Variants in NEBL observed in about 807,000 individuals in gnomAD.
The protein encoded by NEBL is nebulette.
In NEBL, 122 loss-of-function variants were observed where a neutral mutation model predicts 140.2. That is an observed-to-expected ratio of 0.87 (90% confidence interval 0.75 to 1.01). The LOEUF is 1.01. Among genes scored for constraint, NEBL ranks in the 50% least tolerant of loss-of-function variants. The pLI, the probability that NEBL is intolerant of heterozygous loss-of-function variation, is 0.00. For synonymous variants in NEBL, 436 were observed against 398.9 expected, an observed-to-expected ratio of 1.09 and a Z score of -1.11; for missense variants, 1,365 against 1,231.3, an observed-to-expected ratio of 1.11 and a Z score of -1.62.
At chr10:20,802,534 A>C (rs1837216967) in intron 26 of NEBL, among the ~76,000 whole-genome samples, 1 of 152,220 alleles carries the variant, frequency 6.6e-6, no homozygotes, top group Non-Finnish European at 1.5e-5. Context: ...GAAAGTCCAA[A>C]ATAATCACAT....
chr10:20,811,291 T>C (rs946564758), intron 24 of NEBL, among the ~76,000 whole-genome samples: 1 of 152,176 alleles, frequency 6.6e-6, no homozygotes. Context: ...GACAGTTTCA[T>C]GGTTTTTAGC....
intron 5 of NEBL, among the ~76,000 whole-genome samples, chr10:20,879,838 T>A (rs1376584260): frequency 6.6e-6 from 1 of 152,172 alleles, no homozygotes; most frequent in African/African-American, 2.4e-5. Context: ...AAAAAAAAGC[T>A]TTCCCTACAA....
At chr10:21,118,014 T>G (rs1282524760) in intron 2 of NEBL, among the ~76,000 whole-genome samples, 1 of 152,092 alleles carries the variant, frequency 6.6e-6, no homozygotes, top group Non-Finnish European at 1.5e-5. Context: ...TAGCACAGAA[T>G]AATTACCCAG....
At chr10:20,792,836 C>T (rs1023830694) in intron 26 of NEBL, among the ~76,000 whole-genome samples, 1 of 151,840 alleles carries the variant, frequency 6.6e-6, no homozygotes, top group African/African-American at 2.4e-5. Flanking sequence ...CTGTCTAGTC[C>T]ATGAGCAAGG....
At chr10:20,867,484 T>G (rs1316807142) in intron 7 of NEBL, among the ~76,000 whole-genome samples, 1 of 152,196 alleles carries the variant, frequency 6.6e-6, no homozygotes, top group African/African-American at 2.4e-5. Flanking sequence ...ACATTATTGT[T>G]GACTCTGCAA....
rs79356083 is a variant in NEBL at position 20,947,820 on chromosome 10, A to G, written c.357+13852T>C. ...TGCGTAAGTGAGGTAAGGGGCACCC[A>G]AAATAGAAAAGAATTCAACAAACTT... On this transcript the variant is annotated intron_variant, in intron 4 of 6. Coordinates refer to the NEBL transcript ENST00000417816. Among the ~76,000 whole-genome samples, 273 of 152,362 alleles carry G rather than the reference A, an allele frequency of 1.8e-3. 9 individuals carry two copies. The East Asian group carries it at 0.046, about 26-fold the overall frequency.
intron 4 of NEBL, among the ~76,000 whole-genome samples, chr10:20,943,046 G>C (rs1262762312): frequency 2.0e-5 from 3 of 152,146 alleles, no homozygotes; most frequent in Non-Finnish European, 2.9e-5. Flanking sequence ...CCTCAGGGAT[G>C]TAGAACTAGA....
chr10:21,222,568 T>C (rs1432210842), intron 3 of NEBL, among the ~76,000 whole-genome samples: 3 of 152,210 alleles, frequency 2.0e-5, no homozygotes, highest in African/African-American at 7.2e-5. Context: ...GCCAAGTCAC[T>C]ACTATTTTCT....
At chr10:21,209,797 C>G (rs889643861) in intron 3 of NEBL, among the ~76,000 whole-genome samples, 1 of 151,888 alleles carries the variant, frequency 6.6e-6, no homozygotes, top group African/African-American at 2.4e-5. Flanking sequence ...TAATCAGTGC[C>G]TGGGTCCAGA....
At chr10:21,104,197 A>C (rs1295570088) in intron 2 of NEBL, among the ~76,000 whole-genome samples, 1 of 152,240 alleles carries the variant, frequency 6.6e-6, no homozygotes, top group Non-Finnish European at 1.5e-5. Context: ...ACATACTATA[A>C]GTGTTCTAAC....
intron 3 of NEBL, among the ~76,000 whole-genome samples, chr10:20,983,536 A>G (rs1837136807): frequency 6.6e-6 from 1 of 152,236 alleles, no homozygotes; most frequent in African/African-American, 2.4e-5. Flanking sequence ...CAATAAACTT[A>G]CTAGTTGTTA....
intron 3 of NEBL, among the ~76,000 whole-genome samples, chr10:20,991,303 GA>G (rs1386289375): frequency 6.6e-6 from 1 of 151,780 alleles, no homozygotes; most frequent in Admixed American, 6.6e-5. Context: ...AAAAAATGTT[GA>G]AAAATTATCT....
intron 2 of NEBL, among the ~76,000 whole-genome samples, chr10:21,097,470 A>G (rs965447370): frequency 2.0e-5 from 3 of 152,166 alleles, no homozygotes; most frequent in Non-Finnish European, 2.9e-5. Flanking sequence ...AAAAAAATAC[A>G]TAAATAAAAT....
At chr10:20,830,619 A>G (rs74120689) in intron 16 of NEBL, among the ~76,000 whole-genome samples, 14,448 of 152,036 alleles carry the variant, frequency 0.095, 1,804 homozygotes, top group African/African-American at 0.29. Context: ...TGTTAGCTTT[A>G]TTTGGAACTA....
upstream of NEBL, chr10:20,897,604 T>C (rs549183528): frequency 3.5e-5 from 33 of 949,166 alleles, no homozygotes; most frequent in African/African-American, 1.4e-4. Context: ...ACACTCAAGA[T>C]AGCACAGTCC....
chr10:21,210,020 A>G (rs942094161), intron 3 of NEBL, among the ~76,000 whole-genome samples: 1 of 152,184 alleles, frequency 6.6e-6, no homozygotes, highest in African/African-American at 2.4e-5. Context: ...CCAATTGCTC[A>G]ATACCTCCAG....
At chr10:20,887,626 A>G (rs1846647205) in intron 4 of NEBL, among the ~76,000 whole-genome samples, 1 of 152,084 alleles carries the variant, frequency 6.6e-6, no homozygotes, top group Admixed American at 6.5e-5. Context: ...CATGTTGCCC[A>G]GGCTTGTCTT....
chr10:20,787,266 C>A lies in NEBL; in HGVS notation c.2804G>T (p.Gly935Val). ...PGAYQQSHSQ[G>V]YGYMHQTSVS... is the part of the protein sequence containing the mutation. The stretch of plus-strand genomic sequence containing the variant: ...ACTGGTCTGGTGCATGTAGCCATAG[C>A]CTTGGGAATGGCTTTGCTGATAGGC... Residue 935 changes from glycine to valine, a missense_variant, in exon 27 of 28, where the codon GGC becomes GTC. By Grantham distance (109) the Gly-to-Val change is moderately radical (BLOSUM62 -3). Coordinates refer to ENST00000377122, the MANE Select transcript of NEBL (RefSeq NM_006393.3). 1.2e-6 allele frequency: 2 copies of A among 1,613,506 alleles called. No homozygotes were observed. Among genetic ancestry groups the A allele is most frequent in the Non-Finnish European group, 1.7e-6 (2 of 1,179,728 alleles).
At chr10:20,873,869 AGGTGG>A (rs1392274964) in intron 5 of NEBL, among the ~76,000 whole-genome samples, 1 of 152,214 alleles carries the variant, frequency 6.6e-6, no homozygotes. Flanking sequence ...TCCTATGAGA[AGGTGG>A]TATATTCCTC....
Sources: gnomAD v4.1 joint callset for allele counts (sites outside exome capture counted in the v4.1 genomes callset) on GRCh38, gnomAD v4.1.1 for gene constraint, MANE v1.5 for transcripts, NCBI Gene and HGNC (gene_info 2026-07-23, HGNC 2026-07-21) for gene names.